Variants in KCNMB2 observed in about 807,000 individuals in gnomAD.
KCNMB2 encodes the protein potassium calcium-activated channel subfamily M regulatory beta subunit 2, also known as calcium-activated potassium channel subunit beta-2.
A neutral mutation model predicts 24.5 loss-of-function variants in KCNMB2; 9 were observed. The ratio of observed to expected loss-of-function variants is 0.37; its 90% CI spans 0.22 to 0.64. The LOEUF is 0.64. Among genes scored for constraint, KCNMB2 ranks in the 30% least tolerant of loss-of-function variants. KCNMB2 has a pLI of 0.63. For missense variants in KCNMB2, 226 were observed against 284.3 expected (o/e 0.79, Z 1.47); for synonymous variants, 109 against 104.4 (o/e 1.04, Z -0.27).
intron 1 of KCNMB2, among the ~76,000 whole-genome samples, chr3:178,717,982 A>C (rs1476840187): frequency 6.6e-6 from 1 of 152,138 alleles, no homozygotes; most frequent in East Asian, 1.9e-4. Context: ...CTAGAGACTT[A>C]CTTATTTTGT....
At chr3:178,707,004 G>T (rs1373554190) in intron 1 of KCNMB2, among the ~76,000 whole-genome samples, 1 of 152,034 alleles carries the variant, frequency 6.6e-6, no homozygotes, top group Admixed American at 6.6e-5. Flanking sequence ...AACTTAAAGT[G>T]TAATAAATAT....
At chr3:178,644,908 A>G (rs1002603488) in intron 1 of KCNMB2, among the ~76,000 whole-genome samples, 2 of 152,188 alleles carry the variant, frequency 1.3e-5, no homozygotes, top group Non-Finnish European at 2.9e-5. Context: ...ACTAGATTAG[A>G]TTAAATTGAG....
intron 1 of KCNMB2, among the ~76,000 whole-genome samples, chr3:178,707,492 T>C (rs549014517): frequency 6.6e-6 from 1 of 152,216 alleles, no homozygotes; most frequent in Non-Finnish European, 1.5e-5. Flanking sequence ...CTCAGATACT[T>C]GTGCCAATTT....
chr3:178,650,229 C>A (rs1278767525), intron 1 of KCNMB2, among the ~76,000 whole-genome samples: 1 of 152,066 alleles, frequency 6.6e-6, no homozygotes, highest in Non-Finnish European at 1.5e-5. Context: ...GATTTCCATT[C>A]TTTTGCATTT....
intron 1 of KCNMB2, among the ~76,000 whole-genome samples, chr3:178,773,563 A>G (rs1712462837): frequency 6.6e-6 from 1 of 152,166 alleles, no homozygotes; most frequent in South Asian, 2.1e-4. Flanking sequence ...GAGAATGTGC[A>G]TATCTTGGGA....
intron 1 of KCNMB2, among the ~76,000 whole-genome samples, chr3:178,775,501 A>T (rs1712544513): frequency 6.6e-6 from 1 of 152,198 alleles, no homozygotes; most frequent in Non-Finnish European, 1.5e-5. Flanking sequence ...TTTTTACTGA[A>T]ACCTAAACTT....
intron 1 of KCNMB2, among the ~76,000 whole-genome samples, chr3:178,689,889 G>A (rs1303071238): frequency 6.6e-6 from 1 of 152,038 alleles, no homozygotes; most frequent in African/African-American, 2.4e-5. Context: ...ACTTACCAAA[G>A]GAAAAGAGAA....
intron 1 of KCNMB2, among the ~76,000 whole-genome samples, chr3:178,609,080 C>A (rs1194733245): frequency 6.6e-6 from 1 of 152,150 alleles, no homozygotes; most frequent in African/African-American, 2.4e-5. Flanking sequence ...GTTCCCCATA[C>A]TGTTTTTACT....
intron 1 of KCNMB2, among the ~76,000 whole-genome samples, chr3:178,692,778 A>G (rs1721728781): frequency 6.6e-6 from 1 of 152,172 alleles, no homozygotes; most frequent in East Asian, 1.9e-4. Context: ...TTTTCTAGTT[A>G]TATGAAGAAT....
At chr3:178,795,046 A>G (rs1713481900) in intron 1 of KCNMB2, 1 of 152,190 alleles carries the variant, frequency 6.6e-6, no homozygotes, top group African/African-American at 2.4e-5. Context: ...CAATCAGGGA[A>G]ACCTGAACTG....
At chr3:178,738,323 G>A (rs1389724034) in intron 1 of KCNMB2, among the ~76,000 whole-genome samples, 1 of 152,012 alleles carries the variant, frequency 6.6e-6, no homozygotes, top group Non-Finnish European at 1.5e-5. Context: ...CATCTATTGG[G>A]CCCTCCCTCC....
chr3:178,813,023 G>T (rs997905472), intron 2 of KCNMB2, among the ~76,000 whole-genome samples: 1 of 152,010 alleles, frequency 6.6e-6, no homozygotes, highest in African/African-American at 2.4e-5. Context: ...ATTTTTATTA[G>T]AATTTTATAA....
At chr3:178,704,308 T>C (rs55737408) in intron 1 of KCNMB2, among the ~76,000 whole-genome samples, 21,297 of 152,018 alleles carry the variant, frequency 0.14, 1,838 homozygotes, top group Admixed American at 0.22. Flanking sequence ...TTTTTTATGC[T>C]AGCTGTAAAA....
intron 1 of KCNMB2, among the ~76,000 whole-genome samples, chr3:178,745,096 A>G (rs1723621327): frequency 2.0e-5 from 3 of 152,258 alleles, no homozygotes; most frequent in Admixed American, 2.0e-4. Flanking sequence ...GACATAAATC[A>G]CATAAACACT....
At chr3:178,564,546 T>G (rs532915001) in intron 1 of KCNMB2, among the ~76,000 whole-genome samples, 3 of 152,290 alleles carry the variant, frequency 2.0e-5, no homozygotes, top group Non-Finnish European at 4.4e-5. Context: ...GGAATAAAGA[T>G]TTATCAAACA....
chr3:178,717,044 C>T (rs1489267944), intron 1 of KCNMB2, among the ~76,000 whole-genome samples: 1 of 148,956 alleles, frequency 6.7e-6, no homozygotes, highest in African/African-American at 2.5e-5. Flanking sequence ...GGGCAAATTT[C>T]AGCAACTTAA....
intron 4 of KCNMB2, among the ~76,000 whole-genome samples, chr3:178,839,076 G>A (rs1422134857): frequency 6.6e-6 from 1 of 151,818 alleles, no homozygotes; most frequent in African/African-American, 2.4e-5. Context: ...ATTACATAAG[G>A]GGCAGGACAG....
At chr3:178,703,515 C>G (rs544327429) in intron 1 of KCNMB2, among the ~76,000 whole-genome samples, 1 of 133,534 alleles carries the variant, frequency 7.5e-6, no homozygotes, top group Non-Finnish European at 1.6e-5. Flanking sequence ...ACCCACCCCC[C>G]CAAAAAAAGT....
intron 1 of KCNMB2, among the ~76,000 whole-genome samples, chr3:178,739,545 T>C (rs770580906): frequency 5.3e-5 from 8 of 152,170 alleles, no homozygotes; most frequent in Non-Finnish European, 8.8e-5. Context: ...AGGCTCTCCA[T>C]AGGGCAGATA....
Sources: gnomAD v4.1 joint callset for allele counts (sites outside exome capture counted in the v4.1 genomes callset) on GRCh38, gnomAD v4.1.1 for gene constraint, MANE v1.5 for transcripts, NCBI Gene and HGNC (gene_info 2026-07-23, HGNC 2026-07-21) for gene names.